Variants in CNTN1 observed in about 807,000 individuals in gnomAD.
The protein encoded by CNTN1 is contactin-1.
CNTN1 carries 38 observed loss-of-function variants against 126.4 expected under a neutral mutation model. The ratio of observed to expected loss-of-function variants is 0.30; its 90% CI spans 0.23 to 0.39. The LOEUF (loss-of-function observed/expected upper bound fraction) is 0.39. Among genes scored for constraint, CNTN1 ranks in the 10% least tolerant of loss-of-function variants. The pLI is 1.00. For synonymous variants in CNTN1, 413 were observed against 422.6 expected, an observed-to-expected ratio of 0.98 and a Z score of 0.28; for missense variants, 1,009 against 1,248.4, an observed-to-expected ratio of 0.81 and a Z score of 2.89.
At chr12:40,950,097 G>GGTGTGTGTGTGT (rs59713493) in intron 14 of CNTN1, among the ~76,000 whole-genome samples, 12 of 145,232 alleles carry the variant, frequency 8.3e-5, no homozygotes, top group East Asian at 4.2e-4. Context: ...GTGTTGAGAG[G>GGTGTGTGTGTGT]GTGTGTGTGT....
At chr12:40,811,808 T>A (rs1352436491) in intron 1 of CNTN1, among the ~76,000 whole-genome samples, 3 of 117,082 alleles carry the variant, frequency 2.6e-5, no homozygotes, top group Non-Finnish European at 5.6e-5. Flanking sequence ...TCACTGAAGG[T>A]TTGTTAACTT....
At chr12:40,860,500 C>T (rs1943078410) in intron 1 of CNTN1, among the ~76,000 whole-genome samples, 2 of 152,114 alleles carry the variant, frequency 1.3e-5, no homozygotes, top group Admixed American at 1.3e-4. Flanking sequence ...CTCAAGCTTC[C>T]TGTATTTCTG....
intron 1 of CNTN1, among the ~76,000 whole-genome samples, chr12:40,851,768 G>A (rs1361504752): frequency 6.6e-6 from 1 of 152,092 alleles, no homozygotes; most frequent in Non-Finnish European, 1.5e-5. Flanking sequence ...AAGGCTTAGC[G>A]ATATTTATGA....
intron 23 of CNTN1, among the ~76,000 whole-genome samples, 190 bp downstream of exon 23, chr12:41,029,409 C>T (rs1198343754): frequency 1.3e-5 from 2 of 152,122 alleles, no homozygotes; most frequent in East Asian, 3.9e-4. Flanking sequence ...CTGTGACATA[C>T]CACATACTTC....
intron 1 of CNTN1, among the ~76,000 whole-genome samples, chr12:40,787,348 A>T (rs1940062438): frequency 6.6e-6 from 1 of 152,160 alleles, no homozygotes; most frequent in Admixed American, 6.6e-5. Flanking sequence ...TCTGCTTAGC[A>T]CTTTTGGGCA....
At chr12:41,036,138 A>G (rs563415308) in intron 23 of CNTN1, among the ~76,000 whole-genome samples, 1 of 152,296 alleles carries the variant, frequency 6.6e-6, no homozygotes, top group East Asian at 1.9e-4. Context: ...TTATGACTCT[A>G]AGAAGCAAAG....
chr12:40,778,869 A>T (rs544231313), intron 1 of CNTN1, among the ~76,000 whole-genome samples: 1 of 151,958 alleles, frequency 6.6e-6, no homozygotes, highest in African/African-American at 2.4e-5. Context: ...TTGATGATAC[A>T]GTGACTGAGT....
intron 1 of CNTN1, among the ~76,000 whole-genome samples, chr12:40,830,932 TATAC>T (rs1941803646): frequency 4.7e-5 from 1 of 21,336 alleles, no homozygotes; most frequent in Admixed American, 9.7e-4. Flanking sequence ...TACATATACA[TATAC>T]ATATATATAT....
At chr12:40,998,387 A>G (rs562185527) in intron 17 of CNTN1, among the ~76,000 whole-genome samples, 1 of 152,146 alleles carries the variant, frequency 6.6e-6, no homozygotes, top group Non-Finnish European at 1.5e-5. Context: ...TGTGCAACTA[A>G]AAACTCATTC....
chr12:40,807,110 A>G (rs1301872569), intron 1 of CNTN1, among the ~76,000 whole-genome samples: 7 of 152,018 alleles, frequency 4.6e-5, no homozygotes, highest in Admixed American at 4.6e-4. Flanking sequence ...CCTGGAGAGG[A>G]CCCTAAAGGA....
At chr12:40,971,344 G>A in intron 15 of CNTN1, 1 of 1,118,380 alleles carries the variant, frequency 8.9e-7, no homozygotes, top group East Asian at 2.5e-5. Context: ...TACCCATCAA[G>A]GAAATAGGGC....
intron 15 of CNTN1, chr12:40,971,698 A>G: frequency 7.2e-7 from 1 of 1,385,670 alleles, no homozygotes; most frequent in Non-Finnish European, 9.3e-7. Flanking sequence ...ATATAACTAT[A>G]ATGCTTCACT....
At chr12:40,938,468 G>A (rs1229931212) in intron 11 of CNTN1, among the ~76,000 whole-genome samples, 1 of 152,140 alleles carries the variant, frequency 6.6e-6, no homozygotes, top group Non-Finnish European at 1.5e-5. Context: ...AGACTGCATT[G>A]TTTAATGAAA....
intron 1 of CNTN1, among the ~76,000 whole-genome samples, chr12:40,847,806 G>C (rs1942566796): frequency 6.6e-6 from 1 of 152,188 alleles, no homozygotes; most frequent in African/African-American, 2.4e-5. Flanking sequence ...AACCGTTTTG[G>C]CACCAGGGAC....
intron 1 of CNTN1, among the ~76,000 whole-genome samples, chr12:40,880,188 A>AT (rs1943823937): frequency 6.6e-6 from 1 of 152,090 alleles, no homozygotes. Flanking sequence ...TAGTGGATAC[A>AT]TACTATGAGT....
intron 1 of CNTN1, among the ~76,000 whole-genome samples, chr12:40,881,708 A>C (rs1463727528): frequency 6.6e-6 from 1 of 151,914 alleles, no homozygotes; most frequent in African/African-American, 2.4e-5. Context: ...CATTACATAT[A>C]AAAGACTACC....
intron 1 of CNTN1, among the ~76,000 whole-genome samples, chr12:40,734,632 G>A (rs1342802990): frequency 6.6e-6 from 1 of 152,166 alleles, no homozygotes; most frequent in East Asian, 1.9e-4. Flanking sequence ...ATACATTTAA[G>A]GATTAATGCA....
chr12:40,993,175 A>T lies in CNTN1; in HGVS notation c.2019A>T (p.Pro673=). The change falls in exon 17 of 24, where the codon CCA becomes CCT. Residue 673 remains proline, a synonymous_variant. Coordinates refer to ENST00000551295, the MANE Select transcript of CNTN1 (RefSeq NM_001843.4). ...CAGCAAGAGCAGTGGACTTAATCCC[A>T]TGGATGGAGTATGAATTCCGCGTGG... is the stretch of plus-strand genomic sequence containing the variant. ...MEAARAVDLI[P]WMEYEFRVVA... The T allele has an allele frequency of 6.2e-7, 1 of 1,613,588 alleles. No homozygotes were observed. Among genetic ancestry groups the T allele is most frequent in the Non-Finnish European group, 8.5e-7 (1 of 1,179,494 alleles).
At chr12:40,974,758 A>G (rs1947624981) in intron 15 of CNTN1, among the ~76,000 whole-genome samples, 2 of 152,218 alleles carry the variant, frequency 1.3e-5, no homozygotes, top group Admixed American at 1.3e-4. Flanking sequence ...CACCTGTAAA[A>G]TAGGAAAAAT....
Sources: gnomAD v4.1 joint callset for allele counts (sites outside exome capture counted in the v4.1 genomes callset) on GRCh38, gnomAD v4.1.1 for gene constraint, MANE v1.5 for transcripts, NCBI Gene and HGNC (gene_info 2026-07-23, HGNC 2026-07-21) for gene names.